OSBPL1A: variants seen among roughly 807,000 people sequenced by gnomAD.
OSBPL1A encodes the protein oxysterol binding protein like 1A.
In OSBPL1A, 80 loss-of-function variants were observed where a neutral mutation model predicts 137.1. That is an observed-to-expected ratio of 0.58 (90% CI 0.49 to 0.70). OSBPL1A has a LOEUF of 0.70. Among genes scored for constraint, OSBPL1A ranks in the 30% least tolerant of loss-of-function variants. OSBPL1A has a pLI of 0.00. For synonymous variants in OSBPL1A, 365 were observed against 389.7 expected (o/e 0.94, Z 0.75); for missense variants, 970 against 1,129.4 (o/e 0.86, Z 2.02).
At chr18:24,220,868 A>G (rs1817751214) in intron 17 of OSBPL1A, among the ~76,000 whole-genome samples, 1 of 151,710 alleles carries the variant, frequency 6.6e-6, no homozygotes. Flanking sequence ...GCTGGTGTAT[A>G]ATGCCATGAT....
At chr18:24,208,945 C>A (rs985563110) in intron 17 of OSBPL1A, among the ~76,000 whole-genome samples, 2 of 152,164 alleles carry the variant, frequency 1.3e-5, no homozygotes, top group African/African-American at 4.8e-5. Flanking sequence ...AAGTTAACTT[C>A]AAGAACACAC....
intron 17 of OSBPL1A, among the ~76,000 whole-genome samples, chr18:24,212,350 G>A (rs559722588): frequency 2.0e-5 from 3 of 152,038 alleles, no homozygotes; most frequent in East Asian, 3.9e-4. Context: ...GAGACACCAC[G>A]CCCGGCCTTC....
chr18:24,189,251 T>C (rs2086826762), intron 18 of OSBPL1A, among the ~76,000 whole-genome samples: 1 of 152,224 alleles, frequency 6.6e-6, no homozygotes, highest in Admixed American at 6.5e-5. Flanking sequence ...TGAGCTCATC[T>C]GAAATTGAAA....
intron 4 of OSBPL1A, among the ~76,000 whole-genome samples, chr18:24,354,748 C>CAAAAAAAAAAAA (rs59694707): frequency 1.8e-4 from 14 of 77,076 alleles, no homozygotes; most frequent in Non-Finnish European, 2.7e-4. Context: ...CTCAATATAG[C>CAAAAAAAAAAAA]AAAAAAAAAA....
chr18:24,213,603 T>C (rs2087607892), intron 17 of OSBPL1A, among the ~76,000 whole-genome samples: 1 of 152,182 alleles, frequency 6.6e-6, no homozygotes, highest in Non-Finnish European at 1.5e-5. Flanking sequence ...GATGTAATTA[T>C]CTGATATTAC....
At chr18:24,199,975 T>C (rs2087167983) in intron 17 of OSBPL1A, among the ~76,000 whole-genome samples, 1 of 152,228 alleles carries the variant, frequency 6.6e-6, no homozygotes, top group Non-Finnish European at 1.5e-5. Flanking sequence ...GAGAGCTTCA[T>C]GTATAATCTC....
intron 17 of OSBPL1A, among the ~76,000 whole-genome samples, chr18:24,210,568 T>C (rs2087508748): frequency 6.6e-6 from 1 of 151,760 alleles, no homozygotes; most frequent in Non-Finnish European, 1.5e-5. Context: ...GGGTCTTACT[T>C]TGTCATCCAG....
intron 14 of OSBPL1A, among the ~76,000 whole-genome samples, chr18:24,301,073 A>G (rs2090391385): frequency 1.3e-5 from 2 of 152,238 alleles, no homozygotes; most frequent in South Asian, 4.1e-4. Context: ...GGCAGGCTCA[A>G]TTACATTCAA....
intron 26 of OSBPL1A, 91 bp from the exon 27 acceptor site, chr18:24,165,246 T>C: frequency 8.9e-7 from 1 of 1,119,062 alleles, no homozygotes; most frequent in Non-Finnish European, 1.3e-6. Flanking sequence ...AAAAGAACCA[T>C]ATCTACATGT....
chr18:24,332,715 T>C (rs2091104302), intron 7 of OSBPL1A, among the ~76,000 whole-genome samples: 1 of 152,170 alleles, frequency 6.6e-6, no homozygotes, highest in Admixed American at 6.6e-5. Context: ...CTTTATAGAA[T>C]ACAGCTACTG....
chr18:24,360,536 C>T lies in OSBPL1A; in HGVS notation c.282+6356G>A, dbSNP rs541978507. Among the ~76,000 whole-genome samples the T allele has an allele frequency of 2.2e-4, 33 of 152,252 alleles. No individual in the cohort carries two copies. In the South Asian group the frequency reaches 6.8e-3, roughly 32 times the overall value. ...TAATTTTAATGTTTCCTACATAACA[C>T]AATCATGTAACTTCAGCTAAATGTT... On this transcript the variant is annotated intron_variant, in intron 4 of 27. Coordinates refer to ENST00000319481, the MANE Select transcript of OSBPL1A (RefSeq NM_080597.4).
chr18:24,357,489 A>C (rs1360394961), intron 4 of OSBPL1A: 1 of 152,024 alleles, frequency 6.6e-6, no homozygotes, highest in East Asian at 1.9e-4. Context: ...CTCACTAGGA[A>C]TTTCCTTGTG....
At chr18:24,178,309 G>A (rs1391436324) in intron 20 of OSBPL1A, 114 bp from the exon 21 acceptor site, 2 of 1,082,920 alleles carry the variant, frequency 1.8e-6, no homozygotes, top group South Asian at 1.9e-5. Context: ...TGTTGTTGTT[G>A]TTGAGACAAA....
chr18:24,348,510 C>T (rs190447931), intron 4 of OSBPL1A, among the ~76,000 whole-genome samples: 119 of 152,264 alleles, frequency 7.8e-4, no homozygotes, highest in Admixed American at 2.2e-3. Flanking sequence ...TGGTGGCTCA[C>T]GCCTATAATC....
chr18:24,257,794 A>G (rs2089327413), intron 15 of OSBPL1A, among the ~76,000 whole-genome samples: 1 of 152,246 alleles, frequency 6.6e-6, no homozygotes, highest in East Asian at 1.9e-4. Flanking sequence ...AAAAAATCCA[A>G]TAATGCTATT....
chr18:24,200,817 T>C (rs954746374), intron 17 of OSBPL1A, among the ~76,000 whole-genome samples: 3 of 152,174 alleles, frequency 2.0e-5, no homozygotes, highest in Non-Finnish European at 4.4e-5. Context: ...TTCTGCAGTG[T>C]TATTTGAAGA....
chr18:24,209,441 G>T (rs2087469971), intron 17 of OSBPL1A, among the ~76,000 whole-genome samples: 1 of 152,190 alleles, frequency 6.6e-6, no homozygotes, highest in Admixed American at 6.5e-5. Flanking sequence ...ATTTCAGACT[G>T]CAGTGCAAAA....
At chr18:24,381,221 T>C (rs1313157546) in intron 1 of OSBPL1A, among the ~76,000 whole-genome samples, 2 of 151,928 alleles carry the variant, frequency 1.3e-5, no homozygotes, top group African/African-American at 4.8e-5. Context: ...TCAGGGTCAG[T>C]GGGTGGAAAA....
chr18:24,222,791 T>C (rs2087933476), intron 17 of OSBPL1A, among the ~76,000 whole-genome samples: 1 of 149,420 alleles, frequency 6.7e-6, no homozygotes, highest in African/African-American at 2.6e-5. Context: ...TTCTCTTTTC[T>C]CATTTTAAAA....
Sources: allele counts gnomAD v4.1 joint callset (sites outside exome capture counted in the v4.1 genomes callset), GRCh38; gene constraint gnomAD v4.1.1; transcripts MANE v1.5; gene names NCBI Gene and HGNC (gene_info 2026-07-23, HGNC 2026-07-21).